Variants in ADCY2 observed in about 807,000 individuals in gnomAD.
ADCY2 encodes adenylate cyclase type 2.
A neutral mutation model predicts 125.2 loss-of-function variants in ADCY2; 31 were observed. The observed-to-expected ratio is 0.25, with a 90% CI of 0.19 to 0.33. The LOEUF is 0.33. ADCY2 is among the 10% of genes least tolerant of loss of function. The probability of loss-of-function intolerance (pLI) is 1.00; values close to 1 mark genes in which losing one functional copy is unlikely to be tolerated. For synonymous variants in ADCY2, 512 were observed against 548.4 expected, an observed-to-expected ratio of 0.93 and a Z score of 0.93; for missense variants, 904 against 1,418.2, an observed-to-expected ratio of 0.64 and a Z score of 5.82.
At chr5:7,582,887 A>G (rs1736483486) in intron 3 of ADCY2, among the ~76,000 whole-genome samples, 1 of 152,138 alleles carries the variant, frequency 6.6e-6, no homozygotes, top group African/African-American at 2.4e-5. Flanking sequence ...AAAATGGCAT[A>G]AAACATAGAA....
At chr5:7,612,035 A>G (rs1737586333) in intron 3 of ADCY2, among the ~76,000 whole-genome samples, 1 of 152,230 alleles carries the variant, frequency 6.6e-6, no homozygotes, top group Non-Finnish European at 1.5e-5. Flanking sequence ...TCAACTGAAA[A>G]GAGTTGTTGG....
chr5:7,414,903 A>G (rs1433192136), intron 2 of ADCY2, 133 bp downstream of exon 2: 1 of 677,070 alleles, frequency 1.5e-6, no homozygotes, highest in Admixed American at 3.6e-5. Flanking sequence ...TTTTCGATTT[A>G]TATTGCTAAA....
intron 3 of ADCY2, among the ~76,000 whole-genome samples, chr5:7,566,790 C>T (rs1242925833): frequency 6.6e-6 from 1 of 152,074 alleles, no homozygotes; most frequent in Non-Finnish European, 1.5e-5. Flanking sequence ...GTATGGTTGT[C>T]CACATGTTCT....
intron 2 of ADCY2, among the ~76,000 whole-genome samples, chr5:7,455,687 G>C (rs1741642632): frequency 6.9e-6 from 1 of 144,072 alleles, no homozygotes; most frequent in African/African-American, 2.5e-5. Context: ...CATACATTTT[G>C]TTATATCAAT....
chr5:7,547,793 T>C (rs1352595141), intron 3 of ADCY2, among the ~76,000 whole-genome samples: 1 of 152,240 alleles, frequency 6.6e-6, no homozygotes, highest in Non-Finnish European at 1.5e-5. Flanking sequence ...ATGGAGCTGC[T>C]CCTTCCCACA....
intron 2 of ADCY2, among the ~76,000 whole-genome samples, chr5:7,443,147 C>G (rs1023726422): frequency 6.6e-6 from 1 of 152,076 alleles, no homozygotes; most frequent in African/African-American, 2.4e-5. Context: ...AAGGAGGGCT[C>G]ATTGCTCCAT....
At chr5:7,819,148 C>G (rs767330779) in intron 23 of ADCY2, among the ~76,000 whole-genome samples, 1 of 152,108 alleles carries the variant, frequency 6.6e-6, no homozygotes, top group Non-Finnish European at 1.5e-5. Flanking sequence ...ATTCTGGCCA[C>G]GCTGGCAGCT....
chr5:7,726,778 TATGAGAAGTC>T (rs1469723295), intron 13 of ADCY2, among the ~76,000 whole-genome samples: 1 of 152,198 alleles, frequency 6.6e-6, no homozygotes, highest in Non-Finnish European at 1.5e-5. Context: ...TAAGATAGTA[TATGAGAAGTC>T]ATGCCCTTTC....
At chr5:7,470,629 TA>T (rs1742299553) in intron 2 of ADCY2, among the ~76,000 whole-genome samples, 1 of 114,932 alleles carries the variant, frequency 8.7e-6, no homozygotes, top group Admixed American at 8.3e-5. Flanking sequence ...AAAACTACTG[TA>T]TATATGTGTG....
intron 1 of ADCY2, among the ~76,000 whole-genome samples, chr5:7,403,717 A>G (rs1739354182): frequency 6.6e-6 from 1 of 152,190 alleles, no homozygotes; most frequent in African/African-American, 2.4e-5. Flanking sequence ...TATCATATAT[A>G]GACACATACA....
At chr5:7,787,177 C>G (rs567576940) in intron 19 of ADCY2, among the ~76,000 whole-genome samples, 78 of 152,316 alleles carry the variant, frequency 5.1e-4, no homozygotes, top group African/African-American at 1.9e-3. Context: ...CTGAGGAAGC[C>G]TGCGTGTCTC....
At chr5:7,632,537 T>C (rs1393994768) in intron 4 of ADCY2, among the ~76,000 whole-genome samples, 1 of 152,124 alleles carries the variant, frequency 6.6e-6, no homozygotes, top group Non-Finnish European at 1.5e-5. Flanking sequence ...CTCATTGGTG[T>C]AACATTAAAT....
Position 7,773,013 on chromosome 5 carries a change from A to T in ADCY2, c.2296A>T (p.Met766Leu). ...RVNYELKMLI[M>L]MVALVGYNTI... ...AAACTATGAGCTGAAGATGTTGATCATGATGGTGGCCTTGGTGGGCTACAA... is the reference window on the plus strand; with the variant it reads ...AAACTATGAGCTGAAGATGTTGATCTTGATGGTGGCCTTGGTGGGCTACAA... Residue 766 changes from methionine to leucine, a missense_variant, in exon 18 of 25, where the codon ATG (methionine) becomes TTG (leucine). By Grantham distance (15) the Met-to-Leu change is conservative (BLOSUM62 2). Transcript: ENST00000338316. The T allele has an allele frequency of 6.2e-7, 1 of 1,614,196 alleles. No individual in the cohort carries two copies.
At chr5:7,468,910 T>G (rs1742228725) in intron 2 of ADCY2, among the ~76,000 whole-genome samples, 2 of 152,164 alleles carry the variant, frequency 1.3e-5, no homozygotes, top group South Asian at 4.1e-4. Flanking sequence ...GATGTAATTT[T>G]TCAACAGCCT....
At chr5:7,721,230 T>G (rs1011180103) in intron 12 of ADCY2, among the ~76,000 whole-genome samples, 2 of 152,220 alleles carry the variant, frequency 1.3e-5, no homozygotes, top group African/African-American at 4.8e-5. Context: ...CTTTGCCCAC[T>G]TTTTGATGGG....
At chr5:7,490,141 A>C (rs1743106027) in intron 2 of ADCY2, among the ~76,000 whole-genome samples, 2 of 152,202 alleles carry the variant, frequency 1.3e-5, no homozygotes, top group South Asian at 4.1e-4. Flanking sequence ...TGACAGTAAG[A>C]AAGTTTTCAT....
At chr5:7,666,370 A>G (rs111595755) in intron 4 of ADCY2, among the ~76,000 whole-genome samples, 7,336 of 149,034 alleles carry the variant, frequency 0.049, 258 homozygotes, top group South Asian at 0.099. Context: ...CCAGGTTCAC[A>G]CCATTCTCCT....
intron 2 of ADCY2, among the ~76,000 whole-genome samples, chr5:7,477,198 G>T (rs1427403213): frequency 1.3e-5 from 2 of 151,668 alleles, no homozygotes; most frequent in African/African-American, 4.8e-5. Flanking sequence ...AGGACTTGAT[G>T]TTTTTTTTAA....
intron 2 of ADCY2, among the ~76,000 whole-genome samples, chr5:7,472,283 A>T (rs927049970): frequency 6.6e-6 from 1 of 152,118 alleles, no homozygotes; most frequent in African/African-American, 2.4e-5. Context: ...ACTGATTCGT[A>T]TCTAAACTTT....
Sources: gnomAD v4.1 joint callset for allele counts (sites outside exome capture counted in the v4.1 genomes callset) on GRCh38, gnomAD v4.1.1 for gene constraint, MANE v1.5 for transcripts, NCBI Gene and HGNC (gene_info 2026-07-23, HGNC 2026-07-21) for gene names.